Variants in PILRA observed in about 807,000 individuals in gnomAD.
PILRA encodes paired immunoglobulin-like type 2 receptor alpha.
Under a neutral mutation model 33.1 loss-of-function variants are expected in PILRA, and 37 were observed. The observed-to-expected ratio is 1.12, with a 90% CI of 0.86 to 1.47. The LOEUF (loss-of-function observed/expected upper bound fraction) is 1.47, where lower values mean the gene tolerates loss of function less well. Among genes scored for constraint, PILRA ranks in the 40% most tolerant of loss-of-function variants. PILRA has a pLI of 0.00. For missense variants in PILRA, 312 were observed against 376.2 expected (o/e 0.83, Z 1.41); for synonymous variants, 146 against 149.9 (o/e 0.97, Z 0.19).
intron 2 of PILRA, among the ~76,000 whole-genome samples, chr7:100,385,656 T>A (rs1269031413): frequency 2.0e-5 from 3 of 152,114 alleles, no homozygotes; most frequent in Non-Finnish European, 4.4e-5. Context: ...TGAGATGGAG[T>A]TTTGCTCTTG....
intron 2 of PILRA, among the ~76,000 whole-genome samples, chr7:100,376,930 A>G (rs1790963233): frequency 1.3e-5 from 2 of 150,356 alleles, no homozygotes; most frequent in Admixed American, 6.7e-5. Flanking sequence ...CCTGGCTAAT[A>G]TTTGTATTTT....
intron 2 of PILRA, among the ~76,000 whole-genome samples, chr7:100,375,730 TCAAACAAA>T (rs56841488): frequency 1.1e-4 from 17 of 151,864 alleles, no homozygotes; most frequent in Middle Eastern, 3.4e-3. Context: ...AGACTCCGCC[TCAAACAAA>T]CAAACAAACA....
At chr7:100,387,065 A>G (rs1791269919) in intron 2 of PILRA, among the ~76,000 whole-genome samples, 1 of 152,198 alleles carries the variant, frequency 6.6e-6, no homozygotes, top group East Asian at 1.9e-4. Context: ...TCTCTGTCTA[A>G]TGATCAGTTA....
intron 2 of PILRA, among the ~76,000 whole-genome samples, chr7:100,387,673 T>C (rs1317199207): frequency 6.6e-6 from 1 of 152,148 alleles, no homozygotes; most frequent in Non-Finnish European, 1.5e-5. Context: ...GCACCCCAGC[T>C]TGGGCAACAG....
At chr7:100,384,331 G>T (rs1791206553) in intron 2 of PILRA, among the ~76,000 whole-genome samples, 1 of 150,756 alleles carries the variant, frequency 6.6e-6, no homozygotes, top group African/African-American at 2.4e-5. Context: ...AGATCTCTGA[G>T]TCTAGAGTGC....
intron 3 of PILRA, among the ~76,000 whole-genome samples, chr7:100,395,124 A>T (rs1211879710): frequency 6.6e-6 from 1 of 152,208 alleles, no homozygotes; most frequent in Non-Finnish European, 1.5e-5. Flanking sequence ...ACAACAAAAA[A>T]ATCAACCCAA....
At chr7:100,389,648 G>T (rs1791336620) in intron 2 of PILRA, among the ~76,000 whole-genome samples, 1 of 149,664 alleles carries the variant, frequency 6.7e-6, no homozygotes, top group South Asian at 2.1e-4. Flanking sequence ...GAGGGAGAGA[G>T]GAAGGAAAGG....
chr7:100,381,271 A>C (rs1584216052), intron 2 of PILRA, among the ~76,000 whole-genome samples: 1 of 152,012 alleles, frequency 6.6e-6, no homozygotes, highest in South Asian at 2.1e-4. Context: ...CGTCTCACAA[A>C]AAACAAACAA....
intron 2 of PILRA, among the ~76,000 whole-genome samples, chr7:100,387,953 G>C (rs1284758074): frequency 6.6e-6 from 1 of 151,970 alleles, no homozygotes; most frequent in Non-Finnish European, 1.5e-5. Context: ...GGCTCCTCCT[G>C]TTTGGGGTTT....
At chr7:100,388,299 C>T (rs919731647) in intron 2 of PILRA, among the ~76,000 whole-genome samples, 3 of 152,088 alleles carry the variant, frequency 2.0e-5, no homozygotes, top group Admixed American at 2.0e-4. Flanking sequence ...AGTACTATGT[C>T]AATTTTTTAA....
intron 3 of PILRA, among the ~76,000 whole-genome samples, chr7:100,391,162 T>C (rs981239632): frequency 1.4e-4 from 19 of 139,010 alleles, no homozygotes; most frequent in Non-Finnish European, 1.1e-4. Flanking sequence ...AAAATAATAA[T>C]AACAATAATA....
intron 3 of PILRA, among the ~76,000 whole-genome samples, chr7:100,397,665 G>T (rs955244476): frequency 6.6e-6 from 1 of 152,146 alleles, no homozygotes; most frequent in Non-Finnish European, 1.5e-5. Flanking sequence ...GGGTGAAGGG[G>T]TCTCAGGAGG....
chr7:100,377,747 T>TA (rs1563115972), intron 2 of PILRA, among the ~76,000 whole-genome samples: 5 of 150,996 alleles, frequency 3.3e-5, no homozygotes, highest in Admixed American at 6.6e-5. Flanking sequence ...CTTCTTAATT[T>TA]AAAAAAAAAT....
chr7:100,388,336 G>A (rs1791300012), intron 2 of PILRA, among the ~76,000 whole-genome samples: 2 of 152,044 alleles, frequency 1.3e-5, no homozygotes, highest in South Asian at 4.1e-4. Flanking sequence ...TATAAAGAAG[G>A]TGTAACTTGT....
At chr7:100,389,339 G>C (rs750149646) in intron 2 of PILRA, among the ~76,000 whole-genome samples, 9 of 152,180 alleles carry the variant, frequency 5.9e-5, no homozygotes, top group Non-Finnish European at 7.3e-5. Context: ...TGTGATGGTT[G>C]CACAGCACTG....
intron 2 of PILRA, 70 bp downstream of exon 2, chr7:100,374,503 T>C (rs961627488): frequency 6.3e-7 from 1 of 1,582,538 alleles, no homozygotes; most frequent in Admixed American, 1.7e-5. Flanking sequence ...GGTGACATCG[T>C]CCCCAGCACC....
At position 100,374,072 on chromosome 7, in the gene PILRA, C is replaced by A; in HGVS notation, c.93C>A (p.Tyr31Ter). ...GCTCCACAGGATCTGGTCCAAGCTA[C>A]CTTTATGGGGTCACTCAACCAAAAC... ...PSGSTGSGPS[Y>*]LYGVTQPKHL... The change falls in exon 2 of 7, where the codon TAC (tyrosine) becomes TAA (stop). Residue 31 changes from tyrosine to a stop codon, truncating the protein, a stop_gained. Transcript: ENST00000198536. LOFTEE classifies it high-confidence loss of function. 1 of 1,614,096 alleles carries A rather than the reference C, an allele frequency of 6.2e-7. No homozygotes were observed. The highest frequency in any genetic ancestry group is 1.3e-5 in the African/African-American group (1 of 75,014).
intron 2 of PILRA, among the ~76,000 whole-genome samples, chr7:100,381,031 C>T (rs1054067772): frequency 5.3e-5 from 8 of 151,904 alleles, no homozygotes; most frequent in African/African-American, 1.9e-4. Context: ...CTTTGGGAGG[C>T]TGAGGCGGGT....
intron 2 of PILRA, among the ~76,000 whole-genome samples, chr7:100,387,395 G>C (rs1791278168): frequency 2.0e-5 from 3 of 151,910 alleles, no homozygotes; most frequent in Admixed American, 1.3e-4. Context: ...TGTATTTTTA[G>C]TAGAGATGGG....
Sources: allele counts gnomAD v4.1 joint callset (sites outside exome capture counted in the v4.1 genomes callset), GRCh38; gene constraint gnomAD v4.1.1; transcripts MANE v1.5; gene names NCBI Gene and HGNC (gene_info 2026-07-23, HGNC 2026-07-21).